INPP5F: variants seen among roughly 807,000 people sequenced by gnomAD.
INPP5F encodes the protein phosphatidylinositide 4-phosphatase SAC2.
In INPP5F, 97 loss-of-function variants were observed where a neutral mutation model predicts 137.2. That is an observed-to-expected ratio of 0.71 (90% CI 0.60 to 0.84). INPP5F has a LOEUF of 0.84. Among genes scored for constraint, INPP5F ranks in the 40% least tolerant of loss-of-function variants. The pLI is 0.00. For missense variants in INPP5F, 1,271 were observed against 1,371.9 expected, an observed-to-expected ratio of 0.93 and a Z score of 1.16; for synonymous variants, 504 against 476.9, an observed-to-expected ratio of 1.06 and a Z score of -0.74.
chr10:119,808,104 C>T, intron 13 of INPP5F, 44 bp downstream of exon 13: 1 of 1,586,022 alleles, frequency 6.3e-7, no homozygotes, highest in South Asian at 1.2e-5. Context: ...ATGTAGGACA[C>T]AGCTTAGACT....
intron 3 of INPP5F, among the ~76,000 whole-genome samples, chr10:119,783,332 C>G (rs1050057932): frequency 1.3e-5 from 2 of 152,160 alleles, no homozygotes; most frequent in Non-Finnish European, 2.9e-5. Flanking sequence ...AGGGTGGGCA[C>G]CCCTTTGGCC....
intron 7 of INPP5F, 139 bp downstream of exon 7, chr10:119,797,052 G>C (rs1850410212): frequency 1.2e-6 from 1 of 822,590 alleles, no homozygotes; most frequent in Admixed American, 2.4e-5. Flanking sequence ...TAAATACTGT[G>C]ATGTAATTGG....
intron 2 of INPP5F, among the ~76,000 whole-genome samples, chr10:119,767,907 C>T (rs1045373575): frequency 3.3e-5 from 5 of 152,134 alleles, no homozygotes; most frequent in East Asian, 3.8e-4. Flanking sequence ...TAAAAAGCAA[C>T]GAGTCATTTG....
intron 6 of INPP5F, among the ~76,000 whole-genome samples, chr10:119,794,063 C>A (rs1365356144): frequency 6.6e-6 from 1 of 151,738 alleles, no homozygotes; most frequent in Non-Finnish European, 1.5e-5. Flanking sequence ...GTGTTTCTCG[C>A]AGAGGGGGAT....
At chr10:119,732,500 C>CTTT (rs59388357) in intron 1 of INPP5F, among the ~76,000 whole-genome samples, 2 of 115,564 alleles carry the variant, frequency 1.7e-5, no homozygotes, top group East Asian at 2.6e-4. Flanking sequence ...TTTCTTTTTT[C>CTTT]TTTTTTTTTT....
At chr10:119,807,364 G>A (rs1850837560) in intron 12 of INPP5F, among the ~76,000 whole-genome samples, 1 of 152,206 alleles carries the variant, frequency 6.6e-6, no homozygotes, top group Non-Finnish European at 1.5e-5. Context: ...TATGTACAGT[G>A]TTTAAGCAGC....
At chr10:119,796,938 T>G (rs35384980) in intron 7 of INPP5F, 25 bp downstream of exon 7, 102,119 of 1,581,626 alleles carry the variant, frequency 0.065, 5,344 homozygotes, top group South Asian at 0.24. Flanking sequence ...GTAATAGCAT[T>G]CAAATCAAAT....
At chr10:119,731,215 T>C (rs1228516654) in intron 1 of INPP5F, among the ~76,000 whole-genome samples, 1 of 152,204 alleles carries the variant, frequency 6.6e-6, no homozygotes, top group Non-Finnish European at 1.5e-5. Flanking sequence ...AGGTTAACTT[T>C]TTTGAATGAG....
At chr10:119,780,307 G>T (rs185543752) in intron 2 of INPP5F, among the ~76,000 whole-genome samples, 1 of 152,222 alleles carries the variant, frequency 6.6e-6, no homozygotes, top group Non-Finnish European at 1.5e-5. Context: ...GGGCACGGTG[G>T]CTCATGCCTA....
At chr10:119,813,785 C>G (rs1851143711) in intron 15 of INPP5F, among the ~76,000 whole-genome samples, 1 of 151,978 alleles carries the variant, frequency 6.6e-6, no homozygotes. Flanking sequence ...TCACTTGAGG[C>G]CAGCAGTTCA....
chr10:119,773,156 A>G (rs755024844), intron 2 of INPP5F, among the ~76,000 whole-genome samples: 6 of 152,056 alleles, frequency 3.9e-5, no homozygotes, highest in Non-Finnish European at 7.4e-5. Flanking sequence ...TCCTGGGGTC[A>G]TGCAATTCTC....
chr10:119,784,346 T>G (rs1050634812), intron 3 of INPP5F, among the ~76,000 whole-genome samples: 2 of 152,372 alleles, frequency 1.3e-5, no homozygotes, highest in African/African-American at 4.8e-5. Flanking sequence ...TACTTTCACA[T>G]GTTTCAGAAT....
intron 1 of INPP5F, among the ~76,000 whole-genome samples, chr10:119,745,862 GC>G (rs1412735024): frequency 6.6e-6 from 1 of 151,822 alleles, no homozygotes; most frequent in Non-Finnish European, 1.5e-5. Flanking sequence ...GCGCTACCAT[GC>G]CCGGCTAGTT....
chr10:119,747,071 G>A (rs984240105), intron 1 of INPP5F, among the ~76,000 whole-genome samples: 2 of 152,104 alleles, frequency 1.3e-5, no homozygotes, highest in Admixed American at 1.3e-4. Flanking sequence ...TTATAGGCAT[G>A]AGCCACCATG....
chr10:119,750,875 G>A (rs1209667890), intron 1 of INPP5F, among the ~76,000 whole-genome samples: 1 of 152,140 alleles, frequency 6.6e-6, no homozygotes, highest in African/African-American at 2.4e-5. Flanking sequence ...TTAACTGTCC[G>A]AAGCCTTATT....
In INPP5F at chr10:119,796,900, T is replaced by C; in HGVS notation, c.855T>C (p.Ser285=). Residue 285 remains serine, a synonymous_variant, in exon 7 of 20, where the codon AGT becomes AGC. Transcript: ENST00000650623. ...TAGTGGCTCTCATTTCACGCCGAAG[T>C]AGGCACAGAGCAGGTGAGTGGAGGG... The part of the protein sequence containing the change: ...RFLVALISRR[S]RHRAGMRYKR... 6.2e-7 allele frequency: 1 copy of C among 1,613,940 alleles called. No individual in the cohort carries two copies.
chr10:119,737,197 G>A (rs1241913880), intron 1 of INPP5F, among the ~76,000 whole-genome samples: 2 of 152,166 alleles, frequency 1.3e-5, no homozygotes, highest in African/African-American at 4.8e-5. Context: ...ACTTTTTGAA[G>A]TGTATTTCCT....
intron 2 of INPP5F, among the ~76,000 whole-genome samples, chr10:119,757,470 C>G (rs1281009853): frequency 6.6e-6 from 1 of 151,908 alleles, no homozygotes; most frequent in Non-Finnish European, 1.5e-5. Context: ...TAAAAAAATT[C>G]ATTGTAGTAT....
At chr10:119,807,880 G>T in intron 12 of INPP5F, 52 bp from the exon 13 acceptor site, 18 of 1,509,276 alleles carry the variant, frequency 1.2e-5, no homozygotes, top group Middle Eastern at 1.8e-4. Context: ...CACATTTTTT[G>T]CTATGGTTTC....
Sources: gnomAD v4.1 joint callset for allele counts (sites outside exome capture counted in the v4.1 genomes callset) on GRCh38, gnomAD v4.1.1 for gene constraint, MANE v1.5 for transcripts, NCBI Gene and HGNC (gene_info 2026-07-23, HGNC 2026-07-21) for gene names.